Variants in ERG observed in about 807,000 individuals in gnomAD.
ERG encodes the protein transcriptional regulator ERG.
ERG carries 9 observed loss-of-function variants against 55.3 expected under a neutral mutation model. That is an observed-to-expected ratio of 0.16 (90% CI 0.10 to 0.28). The LOEUF (loss-of-function observed/expected upper bound fraction) is 0.28. ERG is among the 10% of genes least tolerant of loss of function. ERG has a pLI of 1.00. For missense variants in ERG, 434 were observed against 631.6 expected (o/e 0.69, Z 3.35); for synonymous variants, 223 against 237.3 (o/e 0.94, Z 0.55).
intron 1 of ERG, among the ~76,000 whole-genome samples, chr21:38,474,603 C>T (rs2059170285): frequency 6.6e-6 from 1 of 152,122 alleles, no homozygotes; most frequent in South Asian, 2.1e-4. Context: ...TCAAATGATG[C>T]CTGTGGGGCA....
intron 1 of ERG, among the ~76,000 whole-genome samples, chr21:38,641,925 G>T (rs2060427400): frequency 6.6e-6 from 1 of 152,204 alleles, no homozygotes; most frequent in Non-Finnish European, 1.5e-5. Flanking sequence ...AAGACAGCCT[G>T]ATTCAATTGG....
intron 2 of ERG, among the ~76,000 whole-genome samples, chr21:38,558,456 C>T (rs1050627871): frequency 6.6e-6 from 1 of 152,190 alleles, no homozygotes; most frequent in Non-Finnish European, 1.5e-5. Context: ...AGGTCCTTGT[C>T]AGCATTCTAC....
At chr21:38,370,527 A>G in the ERG span, among the ~76,000 whole-genome samples, 1 of 152,200 alleles carries the variant, frequency 6.6e-6, no homozygotes, top group East Asian at 1.9e-4. Flanking sequence ...CTCCTGTAAT[A>G]CCTTCTAAAA....
chr21:38,453,458 C>T (rs2058959656), intron 1 of ERG, among the ~76,000 whole-genome samples: 1 of 152,226 alleles, frequency 6.6e-6, no homozygotes, highest in African/African-American at 2.4e-5. Context: ...TTCTCAGTGC[C>T]ATGCAGAATA....
intron 2 of ERG, among the ~76,000 whole-genome samples, chr21:38,560,421 T>C: frequency 6.6e-6 from 1 of 152,180 alleles, no homozygotes; most frequent in Non-Finnish European, 1.5e-5. Flanking sequence ...AGCAGGGTAC[T>C]AGAGCCTGGT....
At chr21:38,452,085 T>A (rs1426621110) in intron 1 of ERG, among the ~76,000 whole-genome samples, 2 of 152,232 alleles carry the variant, frequency 1.3e-5, no homozygotes, top group Admixed American at 6.5e-5. Flanking sequence ...AAATCTTGGA[T>A]TAACCTCAAA....
chr21:38,661,677 T>C (rs751886316), exon 1 of ERG: 1 of 152,350 alleles, frequency 6.6e-6, no homozygotes, highest in Non-Finnish European at 1.5e-5. Context: ...GCTCCTCTTC[T>C]CTCATGTCCC....
chr21:38,478,557 AGACAT>A (rs1262526979), intron 1 of ERG, among the ~76,000 whole-genome samples: 1 of 152,204 alleles, frequency 6.6e-6, no homozygotes, highest in Non-Finnish European at 1.5e-5. Context: ...GGGCACACAC[AGACAT>A]GACAAGAATC....
chr21:38,427,221 C>A (rs1468403119), intron 2 of ERG, among the ~76,000 whole-genome samples: 2 of 152,072 alleles, frequency 1.3e-5, no homozygotes, highest in Non-Finnish European at 2.9e-5. Flanking sequence ...ATTACAGGCG[C>A]CTGCCACCAC....
At chr21:38,537,195 A>G (rs916568843) in intron 2 of ERG, among the ~76,000 whole-genome samples, 5 of 152,164 alleles carry the variant, frequency 3.3e-5, no homozygotes, top group African/African-American at 1.2e-4. Context: ...AAAACTCTAA[A>G]ATTCTTATGA....
At chr21:38,604,008 G>A (rs529792876) in intron 1 of ERG, among the ~76,000 whole-genome samples, 2 of 152,144 alleles carry the variant, frequency 1.3e-5, no homozygotes, top group African/African-American at 4.8e-5. Context: ...CAGCCCTTCA[G>A]GGGGCCGAGG....
intron 6 of ERG, chr21:38,400,332 ATCT>A: frequency 1.6e-6 from 1 of 618,328 alleles, no homozygotes; most frequent in East Asian, 3.1e-5. Context: ...TTCTTTGCCC[ATCT>A]GTCTTTCTGA....
intron 2 of ERG, among the ~76,000 whole-genome samples, chr21:38,533,895 T>C (rs2059690235): frequency 6.6e-6 from 1 of 152,184 alleles, no homozygotes; most frequent in Non-Finnish European, 1.5e-5. Flanking sequence ...AAATATATAG[T>C]TTCCTTCATG....
At chr21:38,569,847 G>C (rs1256774562) in intron 2 of ERG, among the ~76,000 whole-genome samples, 6 of 151,784 alleles carry the variant, frequency 4.0e-5, no homozygotes, top group African/African-American at 1.5e-4. Flanking sequence ...GAATCATATT[G>C]TATGTAATCT....
At chr21:38,559,669 C>G (rs1281580655) in intron 2 of ERG, among the ~76,000 whole-genome samples, 1 of 152,030 alleles carries the variant, frequency 6.6e-6, no homozygotes, top group Non-Finnish European at 1.5e-5. Flanking sequence ...TAATCTAAAA[C>G]AAATTTTTTA....
intron 1 of ERG, among the ~76,000 whole-genome samples, chr21:38,584,535 G>C (rs562985135): frequency 6.6e-6 from 1 of 152,328 alleles, no homozygotes; most frequent in East Asian, 1.9e-4. Context: ...GAAGAGAGTA[G>C]ACAGTGATGG....
At chr21:38,446,226 C>CAAAAAAAAAAAA (rs71184626) in intron 1 of ERG, among the ~76,000 whole-genome samples, 1 of 63,596 alleles carries the variant, frequency 1.6e-5, no homozygotes, top group African/African-American at 7.6e-5. Flanking sequence ...ATAAATGAAC[C>CAAAAAAAAAAAA]AAAAAAAAAA....
At chr21:38,463,422 G>A (rs1250204160) in intron 1 of ERG, among the ~76,000 whole-genome samples, 3 of 152,164 alleles carry the variant, frequency 2.0e-5, no homozygotes, top group Admixed American at 6.5e-5. Context: ...AGGGCTGGGG[G>A]AATACTGGCT....
intron 1 of ERG, chr21:38,661,649 C>T (rs997484880): frequency 2.0e-5 from 3 of 152,384 alleles, no homozygotes. Context: ...ACCGCAAAAT[C>T]CAGCTTACCT....
Sources: gnomAD v4.1 joint callset for allele counts (sites outside exome capture counted in the v4.1 genomes callset) on GRCh38, gnomAD v4.1.1 for gene constraint, MANE v1.5 for transcripts, NCBI Gene and HGNC (gene_info 2026-07-23, HGNC 2026-07-21) for gene names.